The following ABCC4 variants were observed in gnomAD, a reference collection of about 807,000 sequenced individuals.
ABCC4 encodes ATP-binding cassette sub-family C member 4.
In ABCC4, 102 loss-of-function variants were observed where a neutral mutation model predicts 168.5. The observed-to-expected ratio is 0.61, with a 90% CI of 0.52 to 0.71. ABCC4 has a LOEUF of 0.71. ABCC4 is among the 30% of genes least tolerant of loss of function. The pLI is 0.00. For synonymous variants in ABCC4, 617 were observed against 590.7 expected, an observed-to-expected ratio of 1.04 and a Z score of -0.65; for missense variants, 1,402 against 1,605.8, an observed-to-expected ratio of 0.87 and a Z score of 2.17.
chr13:95,243,494 T>A (rs1331103637), intron 3 of ABCC4, among the ~76,000 whole-genome samples: 1 of 152,170 alleles, frequency 6.6e-6, no homozygotes, highest in African/African-American at 2.4e-5. Flanking sequence ...CAACTGGGAA[T>A]GGTGTCTTAA....
chr13:95,023,221 A>G (rs925929422), intron 30 of ABCC4, among the ~76,000 whole-genome samples: 3 of 152,192 alleles, frequency 2.0e-5, no homozygotes, highest in Admixed American at 1.3e-4. Flanking sequence ...GTATTTTTTT[A>G]AATATATATA....
At chr13:95,076,862 G>A (rs2033925033) in intron 21 of ABCC4, among the ~76,000 whole-genome samples, 1 of 151,926 alleles carries the variant, frequency 6.6e-6, no homozygotes, top group Non-Finnish European at 1.5e-5. Flanking sequence ...AAGGCTCAAG[G>A]GATCCTCCCA....
chr13:95,058,594 A>AAAAAAAAAAAAAAAAG (rs2033163283), intron 26 of ABCC4, among the ~76,000 whole-genome samples: 30 of 41,396 alleles, frequency 7.2e-4, no homozygotes, highest in Non-Finnish European at 1.0e-3. Flanking sequence ...AAAAAAAAAG[A>AAAAAAAAAAAAAAAAG]AAAGAAAAAG....
chr13:95,132,254 C>T (rs1366415162), intron 19 of ABCC4, among the ~76,000 whole-genome samples: 1 of 152,116 alleles, frequency 6.6e-6, no homozygotes, highest in Non-Finnish European at 1.5e-5. Context: ...CTCACTGTGT[C>T]GCCAAGACTG....
chr13:95,206,444 T>C (rs1007344723), intron 8 of ABCC4, 88 bp downstream of exon 8: 3 of 1,529,508 alleles, frequency 2.0e-6, no homozygotes, highest in African/African-American at 2.7e-5. Context: ...TAAATGTCAT[T>C]ACACTGGAAC....
Position 95,043,713 on chromosome 13 carries a change from A to C in ABCC4, c.3704T>G (p.Leu1235Trp), listed in dbSNP as rs1234979772. ...CTTGTCGCTGTCAATAATGGTGTTC[A>C]ATCTGTGTGCAATGGTTAGCACGGT... is the stretch of plus-strand genomic sequence containing the variant. ...HCTVLTIAHR[L>W]NTIIDSDKIM... The change falls in exon 29 of 31, where the codon TTG becomes TGG. Residue 1235 changes from leucine to tryptophan, a missense_variant. Physicochemically the swap from Leu to Trp is moderately conservative, Grantham distance 61 (BLOSUM62 -2). This residue lies in a region of ABCC4 where 1,007 missense variants were observed against 1,127.3 expected (regional missense o/e 0.89). Coordinates refer to ENST00000645237, the MANE Select transcript of ABCC4 (RefSeq NM_005845.5). 6.2e-7 allele frequency: 1 copy of C among 1,613,898 alleles called. No homozygotes were observed. Among genetic ancestry groups the C allele is most frequent in the Non-Finnish European group, 8.5e-7 (1 of 1,179,828 alleles).
chr13:95,260,814 G>T (rs543670677), intron 1 of ABCC4, among the ~76,000 whole-genome samples: 1 of 151,982 alleles, frequency 6.6e-6, no homozygotes, highest in South Asian at 2.1e-4. Context: ...ACTGTGGAAG[G>T]CAAGGAAATC....
At chr13:95,153,404 G>C (rs955073473) in intron 19 of ABCC4, among the ~76,000 whole-genome samples, 4 of 152,144 alleles carry the variant, frequency 2.6e-5, no homozygotes, top group Admixed American at 1.3e-4. Flanking sequence ...TCAGTTAATG[G>C]GGGGGCGTTA....
At chr13:95,192,836 T>C (rs764017180) in intron 9 of ABCC4, among the ~76,000 whole-genome samples, 17 of 152,130 alleles carry the variant, frequency 1.1e-4, no homozygotes, top group Admixed American at 6.5e-4. Flanking sequence ...GGAGAATCAC[T>C]TGACCCTGGG....
rs777612329 is a variant in ABCC4 at position 95,178,052 on chromosome 13, C to G, written c.1585G>C (p.Gly529Arg). The G allele has an allele frequency of 6.2e-7, 1 of 1,614,204 alleles. No individual in the cohort carries two copies. Among genetic ancestry groups the G allele is most frequent in the Admixed American group, 1.7e-5 (1 of 60,030 alleles). ...LLEDGDLTVI[G>R]DRGTTLSGGQ... The stretch of plus-strand genomic sequence containing the variant: ...CCACTCAGCGTGGTTCCCCGATCTC[C>G]TATCACAGTCAGATCACCATCCTCC... The change falls in exon 12 of 31, where the codon GGA becomes CGA. Residue 529 changes from glycine to arginine, a missense_variant. Gly to Arg is a moderately radical substitution (Grantham distance 125). Around this residue, in one of 3 missense-constraint regions of ABCC4, gnomAD observed 1,007 missense variants for 1,127.3 expected, o/e 0.89. Transcript: ENST00000645237.
intron 19 of ABCC4, among the ~76,000 whole-genome samples, chr13:95,139,941 C>T (rs56091897): frequency 0.044 from 6,755 of 152,312 alleles, 216 homozygotes; most frequent in Middle Eastern, 0.13. Flanking sequence ...AGGCTTCCCA[C>T]TGATTCCATG....
intron 19 of ABCC4, among the ~76,000 whole-genome samples, chr13:95,128,271 T>C (rs2035850958): frequency 6.6e-6 from 1 of 152,226 alleles, no homozygotes; most frequent in South Asian, 2.1e-4. Context: ...TTGGAGTCTA[T>C]TTAATGGTCA....
At chr13:95,061,597 TG>T in intron 26 of ABCC4, among the ~76,000 whole-genome samples, 1 of 15,892 alleles carries the variant, frequency 6.3e-5, no homozygotes, top group African/African-American at 3.7e-4. Context: ...TATGTGTTTG[TG>T]TGTGTGTGTG....
intron 1 of ABCC4, among the ~76,000 whole-genome samples, chr13:95,280,604 T>A (rs964169440): frequency 2.1e-5 from 3 of 144,758 alleles, no homozygotes; most frequent in African/African-American, 7.6e-5. Context: ...ACCATCCAAT[T>A]CCCAGAAGTC....
At chr13:95,247,573 AG>A (rs1242828583) in intron 2 of ABCC4, 69 bp downstream of exon 2, 1 of 1,216,746 alleles carries the variant, frequency 8.2e-7, no homozygotes, top group Non-Finnish European at 1.2e-6. Context: ...GGACCCAGGA[AG>A]GCAAAACCCA....
chr13:95,128,052 G>A (rs904110568), intron 19 of ABCC4, among the ~76,000 whole-genome samples: 1 of 152,182 alleles, frequency 6.6e-6, no homozygotes, highest in African/African-American at 2.4e-5. Flanking sequence ...TCTTCTGTGA[G>A]CTTTGGGCAG....
At chr13:95,293,703 G>T (rs753822476) in intron 1 of ABCC4, among the ~76,000 whole-genome samples, 1 of 151,654 alleles carries the variant, frequency 6.6e-6, no homozygotes, top group Non-Finnish European at 1.5e-5. Flanking sequence ...CTGACCTTGT[G>T]ATCCACCTGC....
intron 4 of ABCC4, among the ~76,000 whole-genome samples, chr13:95,217,430 C>T (rs1258538777): frequency 6.6e-6 from 1 of 152,046 alleles, no homozygotes; most frequent in East Asian, 1.9e-4. Context: ...CTCTAATAGT[C>T]CTTTTAAAAC....
chr13:95,076,886 A>G (rs1170559926), intron 21 of ABCC4, among the ~76,000 whole-genome samples: 1 of 152,074 alleles, frequency 6.6e-6, no homozygotes, highest in East Asian at 1.9e-4. Context: ...CAGGCTCCCA[A>G]GTAGCTGGGA....
Sources: gnomAD v4.1 joint callset for allele counts (sites outside exome capture counted in the v4.1 genomes callset) on GRCh38, gnomAD v4.1.1 for gene constraint, gnomAD v4.1.1 regional missense constraint, MANE v1.5 for transcripts, NCBI Gene and HGNC (gene_info 2026-07-23, HGNC 2026-07-21) for gene names.